Variants in PDE4D observed in about 807,000 individuals in gnomAD.
PDE4D encodes 3',5'-cyclic-AMP phosphodiesterase 4D.
A neutral mutation model predicts 87.4 loss-of-function variants in PDE4D; 24 were observed. That is an observed-to-expected ratio of 0.27 (90% CI 0.20 to 0.39). The LOEUF (loss-of-function observed/expected upper bound fraction) is 0.39, where lower values mean the gene tolerates loss of function less well. Among genes scored for constraint, PDE4D ranks in the 10% least tolerant of loss-of-function variants. The pLI, the probability that PDE4D is intolerant of heterozygous loss-of-function variation, is 1.00. For missense variants in PDE4D, 714 were observed against 1,041.0 expected, an observed-to-expected ratio of 0.69 and a Z score of 4.32; for synonymous variants, 384 against 383.2, an observed-to-expected ratio of 1.00 and a Z score of -0.02.
intron 1 of PDE4D, among the ~76,000 whole-genome samples, chr5:59,734,503 A>G (rs1757812945): frequency 6.6e-6 from 1 of 152,158 alleles, no homozygotes; most frequent in Non-Finnish European, 1.5e-5. Flanking sequence ...GATTTTGTCT[A>G]CTGTGGTCTC....
chr5:59,964,058 T>C (rs1759749312), intron 3 of PDE4D, among the ~76,000 whole-genome samples: 1 of 152,194 alleles, frequency 6.6e-6, no homozygotes, highest in South Asian at 2.1e-4. Flanking sequence ...GTCTGTGTTA[T>C]ACCCATATTT....
At chr5:59,722,603 C>A (rs1398191386) in intron 1 of PDE4D, among the ~76,000 whole-genome samples, 2 of 152,032 alleles carry the variant, frequency 1.3e-5, no homozygotes, top group Non-Finnish European at 2.9e-5. Flanking sequence ...TGGTTATTAT[C>A]TATAAGAAAT....
At chr5:60,165,383 T>C (rs1358552529) in intron 2 of PDE4D, among the ~76,000 whole-genome samples, 3 of 152,352 alleles carry the variant, frequency 2.0e-5, no homozygotes, top group Admixed American at 6.5e-5. Flanking sequence ...TTTGTTTTTA[T>C]GCTGATATCA....
At position 60,001,068 on chromosome 5, in the gene PDE4D, T is replaced by G. The variant is rs141876695; in HGVS notation, c.43-12351A>C. Among the ~76,000 whole-genome samples the G allele has an allele frequency of 5.2e-4, 79 of 152,250 alleles. No homozygotes were observed. The East Asian group carries it at 0.015, about 28-fold the overall frequency. On this transcript the variant is annotated intron_variant, in intron 2 of 16. Coordinates refer to the PDE4D transcript ENST00000502484. Reference sequence around the variant, plus strand: ...CTCCCTGGAGGCAAGTCCTCTCAGATGTGGACCCTGAAGCAGCAGTGACTT... The same window carrying G: ...CTCCCTGGAGGCAAGTCCTCTCAGAGGTGGACCCTGAAGCAGCAGTGACTT...
In PDE4D at chr5:60,197,114, T is replaced by TAGAC. The variant is rs1219561833; in HGVS notation, c.-89-11428_-89-11427insGTCT. Among the ~76,000 whole-genome samples the TAGAC allele has an allele frequency of 8.0e-5, 12 of 150,090 alleles. 1 individual carries two copies. Among genetic ancestry groups the TAGAC allele is most frequent in the Admixed American group, 4.6e-4 (7 of 15,066 alleles). ...ATAGATAGATAGATAGATAGATAGATAGATAGATAGATTAGATAGGAATAG... is the reference window on the plus strand; with the variant it reads ...ATAGATAGATAGATAGATAGATAGATAGACAGATAGATAGATTAGATAGGAATAG... On this transcript the variant is annotated intron_variant, in intron 1 of 16. Coordinates refer to the PDE4D transcript ENST00000502484.
At chr5:59,198,216 TA>T (rs535755542) in intron 2 of PDE4D, among the ~76,000 whole-genome samples, 1 of 152,012 alleles carries the variant, frequency 6.6e-6, no homozygotes, top group African/African-American at 2.4e-5. Flanking sequence ...ACAGCTCTTT[TA>T]AAAAAAAGAA....
intron 6 of PDE4D, among the ~76,000 whole-genome samples, chr5:59,000,814 G>A (rs1292387180): frequency 1.3e-5 from 2 of 151,854 alleles, no homozygotes; most frequent in African/African-American, 4.8e-5. Context: ...TCAGCCTCCC[G>A]AGAAGCTGGG....
intron 1 of PDE4D, among the ~76,000 whole-genome samples, chr5:59,329,813 T>G (rs1197563826): frequency 2.0e-5 from 3 of 152,208 alleles, no homozygotes; most frequent in Non-Finnish European, 4.4e-5. Flanking sequence ...TCTGAGAAGC[T>G]GAGTCATTCT....
At chr5:60,188,776 C>A (rs781631828) in intron 1 of PDE4D, among the ~76,000 whole-genome samples, 2 of 152,160 alleles carry the variant, frequency 1.3e-5, no homozygotes, top group South Asian at 4.1e-4. Flanking sequence ...TCAGCAGCAA[C>A]GAATGAAGTA....
chr5:60,378,885 G>A (rs561652524), intron 1 of PDE4D, among the ~76,000 whole-genome samples: 66 of 151,718 alleles, frequency 4.4e-4, no homozygotes, highest in African/African-American at 1.5e-3. Context: ...GAAAGAAAGA[G>A]AGAGAGAGAG....
intron 5 of PDE4D, among the ~76,000 whole-genome samples, chr5:59,171,746 G>C (rs1280284118): frequency 7.0e-6 from 1 of 143,852 alleles, no homozygotes; most frequent in Non-Finnish European, 1.5e-5. Flanking sequence ...TTCCTAGGTA[G>C]AGCCACTGGC....
intron 1 of PDE4D, among the ~76,000 whole-genome samples, chr5:59,870,388 C>A (rs903054551): frequency 6.6e-6 from 1 of 152,134 alleles, no homozygotes; most frequent in Non-Finnish European, 1.5e-5. Context: ...ATAAATGTAA[C>A]AAATGCACAT....
chr5:59,366,604 C>G (rs921596936), intron 1 of PDE4D, among the ~76,000 whole-genome samples: 1 of 152,112 alleles, frequency 6.6e-6, no homozygotes, highest in Non-Finnish European at 1.5e-5. Flanking sequence ...TGATATTGTA[C>G]AAACTAAACT....
intron 1 of PDE4D, among the ~76,000 whole-genome samples, chr5:60,455,606 C>T (rs1746410238): frequency 6.6e-6 from 1 of 152,138 alleles, no homozygotes; most frequent in Non-Finnish European, 1.5e-5. Flanking sequence ...AACACATCCA[C>T]ACACCTTTAC....
intron 2 of PDE4D, among the ~76,000 whole-genome samples, chr5:60,112,128 A>C (rs940381714): frequency 6.6e-6 from 1 of 152,108 alleles, no homozygotes; most frequent in Non-Finnish European, 1.5e-5. Flanking sequence ...TAAAGCCTTC[A>C]ATCAATCCAG....
upstream of PDE4D, among the ~76,000 whole-genome samples, chr5:59,898,586 T>C (rs956953120): frequency 6.6e-6 from 1 of 152,192 alleles, no homozygotes; most frequent in Admixed American, 6.5e-5. Flanking sequence ...TGTGTGACCA[T>C]GAATGTGTGT....
intron 2 of PDE4D, among the ~76,000 whole-genome samples, chr5:60,173,458 G>A (rs777425822): frequency 1.3e-5 from 2 of 151,792 alleles, no homozygotes; most frequent in African/African-American, 2.4e-5. Context: ...AATTCCATTC[G>A]AATCTGGTAT....
At chr5:59,809,610 C>T (rs1768115561) in intron 1 of PDE4D, among the ~76,000 whole-genome samples, 1 of 152,130 alleles carries the variant, frequency 6.6e-6, no homozygotes, top group South Asian at 2.1e-4. Flanking sequence ...TAACGATGTG[C>T]TAAGAGGCTG....
chr5:59,972,203 C>T (rs1343026704), intron 3 of PDE4D, among the ~76,000 whole-genome samples: 2 of 152,180 alleles, frequency 1.3e-5, no homozygotes, highest in African/African-American at 4.8e-5. Flanking sequence ...GAGGGGCATG[C>T]AGAGGGAATG....
Sources: gnomAD v4.1 joint callset for allele counts (sites outside exome capture counted in the v4.1 genomes callset) on GRCh38, gnomAD v4.1.1 for gene constraint, MANE v1.5 for transcripts, NCBI Gene and HGNC (gene_info 2026-07-23, HGNC 2026-07-21) for gene names.